Variants in LRRC8E observed in about 807,000 individuals in gnomAD.
LRRC8E encodes the protein leucine rich repeat containing 8 VRAC subunit E, also known as volume-regulated anion channel subunit LRRC8E.
A neutral mutation model predicts 6.1 loss-of-function variants in LRRC8E; 6 were observed. The observed-to-expected ratio is 0.98, with a 90% CI of 0.54 to 1.93. LRRC8E has a LOEUF of 1.93. Among genes scored for constraint, LRRC8E ranks in the 30% most tolerant of loss-of-function variants. The pLI is 0.01. For synonymous variants in LRRC8E, 485 were observed against 472.8 expected, an observed-to-expected ratio of 1.03 and a Z score of -0.33; for missense variants, 1,028 against 1,031.4, an observed-to-expected ratio of 1.00 and a Z score of 0.04.
At position 7,900,862 on chromosome 19, in the gene LRRC8E, G is replaced by A. The variant is rs1380790350; in HGVS notation, c.2340G>A (p.Thr780=). The A allele has an allele frequency of 1.9e-6, 3 of 1,544,854 alleles. No homozygotes were observed. The highest frequency in any genetic ancestry group is 2.0e-5 in the Admixed American group (1 of 49,006). Residue 780 remains threonine, a synonymous_variant, in exon 3 of 3, where the codon ACG becomes ACA. Transcript: ENST00000306708. This position sits in a 1 kb window ranked among gnomAD's most constrained non-coding sequence, Gnocchi z 5.0. Reference sequence around the variant, plus strand: ...AGGCGGGGCTCCTGGTGGAAGACACGCTTTACCAGGGTCTGCCGGCAGAAG... The same window carrying A: ...AGGCGGGGCTCCTGGTGGAAGACACACTTTACCAGGGTCTGCCGGCAGAAG... The part of the protein sequence containing the change: ...LKKAGLLVED[T]LYQGLPAEVR...
chr19:7,899,949 T>A lies in LRRC8E; in HGVS notation c.1427T>A (p.Phe476Tyr). The A allele has an allele frequency of 6.2e-7, 1 of 1,609,276 alleles. No homozygotes were observed. Among genetic ancestry groups the A allele is most frequent in the South Asian group, 1.1e-5 (1 of 91,034 alleles). ...SLLHSPARLP[F>Y]SLQVFLRDHL... Reference sequence around the variant, plus strand: ...CTCCACTCGCCCGCCAGGCTACCCTTCTCCTTGCAGGTCTTCCTGCGGGAC... The same window carrying A: ...CTCCACTCGCCCGCCAGGCTACCCTACTCCTTGCAGGTCTTCCTGCGGGAC... Residue 476 changes from phenylalanine (F) to tyrosine (Y), a missense_variant, in exon 3 of 3, where the codon TTC (phenylalanine) becomes TAC (tyrosine). Phe to Tyr is a conservative substitution (Grantham distance 22, BLOSUM62 3). Transcript: ENST00000306708.
chr19:7,896,078 C>T (rs1289817855), intron 2 of LRRC8E, among the ~76,000 whole-genome samples: 1 of 151,708 alleles, frequency 6.6e-6, no homozygotes, highest in Non-Finnish European at 1.5e-5. Flanking sequence ...GCTGGGATTA[C>T]AGGCGCCCAC....
At position 7,898,219 on chromosome 19, in the gene LRRC8E, A is replaced by AC. The variant is rs1555698207; in HGVS notation, c.139-442_139-441insC. On this transcript the variant is annotated intron_variant, in intron 2 of 2. Coordinates refer to ENST00000306708, the MANE Select transcript of LRRC8E (RefSeq NM_025061.6). ...ACTCTTGTCTCAAAAAAAAAAACCA[A>AC]AAAAAAAAAAAACAGTGCTTAGAGG... is the stretch of plus-strand genomic sequence containing the variant. Among the ~76,000 whole-genome samples the AC allele has an allele frequency of 2.0e-5, 3 of 148,006 alleles. No homozygotes were observed. The East Asian group carries it at 5.9e-4, about 29-fold the overall frequency.
In LRRC8E at chr19:7,895,798, G is replaced by A; in HGVS notation, c.138+57G>A. 6.3e-7 allele frequency: 1 copy of A among 1,588,286 alleles called. No individual in the cohort carries two copies. Among genetic ancestry groups the A allele is most frequent in the South Asian group, 1.1e-5 (1 of 90,084 alleles). On this transcript the variant is annotated intron_variant, in intron 2 of 2. Transcript: ENST00000306708. This position sits in a 1 kb window ranked among gnomAD's most constrained non-coding sequence, Gnocchi z 4.7. ...CAGAGGGGCGGGGCAGGTGTCTGGG[G>A]AAGTCGGGAAGCCTTCTCATCACCC...
In LRRC8E at chr19:7,900,382, CGAG is replaced by C; in HGVS notation, c.1863_1865del (p.Glu622del). ...TCAAGGACAACCACCTGCGCTCCAT[CGAG>C]GAAATCCTCAGCTTCCAGCACTGCC... On this transcript the variant is annotated inframe_deletion, in exon 3 of 3. Transcript: ENST00000306708. This position sits in a 1 kb window ranked among gnomAD's most constrained non-coding sequence, Gnocchi z 5.0. 3 of 1,612,854 alleles carry C rather than the reference CGAG, an allele frequency of 1.9e-6. No individual in the cohort carries two copies. Among genetic ancestry groups the C allele is most frequent in the Non-Finnish European group, 1.7e-6 (2 of 1,179,850 alleles).
chr19:7,891,098 C>T (rs1390596850), intron 1 of LRRC8E, among the ~76,000 whole-genome samples: 2 of 152,212 alleles, frequency 1.3e-5, no homozygotes, highest in South Asian at 2.1e-4. Flanking sequence ...CTTCGAATGC[C>T]GCTTGGAACT....
At position 7,898,929 on chromosome 19, in the gene LRRC8E, G is replaced by A; in HGVS notation, c.407G>A (p.Trp136Ter). 6.2e-7 allele frequency: 1 copy of A among 1,614,190 alleles called. No homozygotes were observed. The highest frequency in any genetic ancestry group is 8.5e-7 in the Non-Finnish European group (1 of 1,180,036). Residue 136 changes from tryptophan (W) to a stop codon, truncating the protein, a stop_gained, in exon 3 of 3, where the codon TGG becomes TAG. Transcript: ENST00000306708. LOFTEE classifies it low-confidence loss of function (END_TRUNC). ...TLIFMVCTSF[W>*]FKFPGTSSKI... ...ATCTTCATGGTCTGCACCAGTTTCTGGTTCAAGTTCCCTGGCACCAGCTCC... is the reference window on the plus strand; with the variant it reads ...ATCTTCATGGTCTGCACCAGTTTCTAGTTCAAGTTCCCTGGCACCAGCTCC...
rs371880747 is a variant in LRRC8E at position 7,900,308 on chromosome 19, C to T, written c.1786C>T (p.Arg596Cys). 19 of 1,613,196 alleles carry T rather than the reference C, an allele frequency of 1.2e-5. No homozygotes were observed. Among genetic ancestry groups the T allele is most frequent in the Non-Finnish European group, 1.5e-5 (18 of 1,180,042 alleles). Residue 596 changes from arginine to cysteine, a missense_variant, in exon 3 of 3, where the codon CGC (arginine) becomes TGC (cysteine). Physicochemically the swap from Arg to Cys is radical, Grantham distance 180. Transcript: ENST00000306708. The surrounding 1 kb of genome is among the most constrained non-coding windows in gnomAD (Gnocchi z 5.0). ...GGAGCTGGTGGCCTGCGGGCTGGAGCGCATCCCCCATGCAGTGTTCAGCCT... is the reference window on the plus strand; with the variant it reads ...GGAGCTGGTGGCCTGCGGGCTGGAGTGCATCCCCCATGCAGTGTTCAGCCT... ...ELELVACGLE[R>C]IPHAVFSLGA...
rs535604743 is a variant in LRRC8E, at chr19:7,898,764, T to C, written c.242T>C (p.Ile81Thr). 5.0e-5 allele frequency: 81 copies of C among 1,613,962 alleles called. No homozygotes were observed. The highest frequency in any genetic ancestry group is 1.3e-4 in the Admixed American group (8 of 60,008). ...CTGCCTCGGGGGATCCCTGAGCAGA[T>C]TGGGGCCCTGCAGGAGGTTAAAGGC... ...QLLPRGIPEQ[I>T]GALQEVKGLK... The change falls in exon 3 of 3, where the codon ATT becomes ACT. Residue 81 changes from isoleucine (I) to threonine (T), a missense_variant. Coordinates refer to ENST00000306708, the MANE Select transcript of LRRC8E (RefSeq NM_025061.6).
At chr19:7,893,545 AC>A (rs906204690) in intron 1 of LRRC8E, 15 of 126,066 alleles carry the variant, frequency 1.2e-4, no homozygotes, top group African/African-American at 4.2e-4. Context: ...GGAACCCATG[AC>A]TTTTTTTTTT....
At position 7,901,987 on chromosome 19, in the gene LRRC8E, G is replaced by A. The variant is rs1332639250; in HGVS notation, c.*1074G>A. ...GGACTTTGGTCTTGACTGTTCTCTGGGTGCTTAATAAATAATACTAATTAT... is the reference window on the plus strand; with the variant it reads ...GGACTTTGGTCTTGACTGTTCTCTGAGTGCTTAATAAATAATACTAATTAT... On this transcript the variant is annotated 3_prime_UTR_variant, in exon 3 of 3. Coordinates refer to ENST00000306708, the MANE Select transcript of LRRC8E (RefSeq NM_025061.6). The A allele has an allele frequency of 6.6e-6, 1 of 152,082 alleles. No homozygotes were observed. Among genetic ancestry groups the A allele is most frequent in the East Asian group, 1.9e-4 (1 of 5,194 alleles). The allele number at this position is 152,082 out of a possible 1,614,324, so 9.4% of individuals were successfully genotyped here.
intron 1 of LRRC8E, among the ~76,000 whole-genome samples, chr19:7,893,373 T>C (rs1195142456): frequency 6.6e-6 from 1 of 151,634 alleles, no homozygotes. Flanking sequence ...ACTCCTAACC[T>C]CAAGTGATCT....
At chr19:7,892,274 G>A (rs948841392) in intron 1 of LRRC8E, among the ~76,000 whole-genome samples, 4 of 151,442 alleles carry the variant, frequency 2.6e-5, no homozygotes, top group Admixed American at 2.0e-4. Flanking sequence ...GGGTTTCGCC[G>A]CATTAGCCAG....
intron 1 of LRRC8E, among the ~76,000 whole-genome samples, chr19:7,888,836 A>G (rs537234848): frequency 2.6e-4 from 40 of 152,286 alleles, no homozygotes; most frequent in Middle Eastern, 3.4e-3. Context: ...CAAGTCTCAG[A>G]GTGAAGATAA....
In LRRC8E at chr19:7,899,731, G is replaced by C. The variant is rs45603833; in HGVS notation, c.1209G>C (p.Thr403=). Residue 403 remains threonine (T), a synonymous_variant, in exon 3 of 3, where the codon ACG becomes ACC. Coordinates refer to ENST00000306708, the MANE Select transcript of LRRC8E (RefSeq NM_025061.6). ...AGCTCAATCTCAACCACGAGTGGAC[G>C]CCCGAGAAGCTTCGACAGAAGCTGC... ...LKQLNLNHEW[T]PEKLRQKLQR... The C allele has an allele frequency of 0.22, 352,233 of 1,611,808 alleles. 42,586 individuals are homozygous for C. The highest frequency in any genetic ancestry group is 0.25 in the Non-Finnish European group (290,773 of 1,179,842).
Position 7,899,034 on chromosome 19 carries a change from G to C in LRRC8E, c.512G>C (p.Gly171Ala). The change falls in exon 3 of 3, where the codon GGG becomes GCG. Residue 171 changes from glycine (G) to alanine (A), a missense_variant. By Grantham distance (60) the Gly-to-Ala change is moderately conservative. Transcript: ENST00000306708. The stretch of plus-strand genomic sequence containing the variant: ...ACCAGGGCCCTATCCGAGGTCTCCG[G>C]GGAGAACCAGAAGGGCCCAGCAGCC... ...WTTRALSEVS[G>A]ENQKGPAATE... The C allele has an allele frequency of 1.2e-6, 2 of 1,613,758 alleles. No individual in the cohort carries two copies. The highest frequency in any genetic ancestry group is 2.7e-5 in the African/African-American group (2 of 75,054).
At position 7,900,946 on chromosome 19, in the gene LRRC8E, A is replaced by G; in HGVS notation, c.*33A>G. ...GTGGGGCCGTTTTAGGTAGAGCCTT[A>G]AAAATGCTTCTGCCCTGGAATCTCA... is the stretch of plus-strand genomic sequence containing the variant. On this transcript the variant is annotated 3_prime_UTR_variant, in exon 3 of 3. Coordinates refer to ENST00000306708, the MANE Select transcript of LRRC8E (RefSeq NM_025061.6). The surrounding 1 kb of genome is among the most constrained non-coding windows in gnomAD (Gnocchi z 5.0). 6.7e-7 allele frequency: 1 copy of G among 1,494,374 alleles called. No individual in the cohort carries two copies. The highest frequency in any genetic ancestry group is 8.9e-7 in the Non-Finnish European group (1 of 1,121,488). 92.6% of individuals were successfully genotyped at this position (1,494,374 alleles called of 1,614,324 possible). A position where few individuals can be genotyped will look rare whatever the true frequency, so the allele number is the denominator to read the frequency against.
chr19:7,899,850 G>A lies in LRRC8E; in HGVS notation c.1328G>A (p.Arg443Lys). The stretch of plus-strand genomic sequence containing the variant: ...GAGCTCAGTGAGGTGGAGTCACTCA[G>A]GCTGGAGGCCATCTGCGATATCACC... ...VFELSEVESL[R>K]LEAICDITFP... is the part of the protein sequence containing the mutation. The change falls in exon 3 of 3, where the codon AGG becomes AAG. Residue 443 changes from arginine (R) to lysine (K), a missense_variant. Coordinates refer to ENST00000306708, the MANE Select transcript of LRRC8E (RefSeq NM_025061.6). 6.2e-7 allele frequency: 1 copy of A among 1,606,170 alleles called. No homozygotes were observed. The highest frequency in any genetic ancestry group is 1.1e-5 in the South Asian group (1 of 91,086).
intron 1 of LRRC8E, among the ~76,000 whole-genome samples, chr19:7,894,049 A>G (rs1981451860): frequency 6.6e-6 from 1 of 152,110 alleles, no homozygotes; most frequent in African/African-American, 2.4e-5. Context: ...TGGGGGGGAC[A>G]CAAACTGAAA....
Sources: allele counts gnomAD v4.1 joint callset (sites outside exome capture counted in the v4.1 genomes callset), GRCh38; gene constraint gnomAD v4.1.1; non-coding constraint Gnocchi (gnomAD v3.1); transcripts MANE v1.5; gene names NCBI Gene and HGNC (gene_info 2026-07-23, HGNC 2026-07-21).